Variants in PDE1C observed in about 807,000 individuals in gnomAD.
The protein encoded by PDE1C is phosphodiesterase 1C.
Under a neutral mutation model 93.1 loss-of-function variants are expected in PDE1C, and 62 were observed. The ratio of observed to expected loss-of-function variants is 0.67; its 90% CI spans 0.54 to 0.82. The LOEUF is 0.82. Ranked by LOEUF, PDE1C falls within the 40% of genes least tolerant of loss-of-function variation. PDE1C has a pLI of 0.00. For missense variants in PDE1C, 742 were observed against 884.6 expected (o/e 0.84, Z 2.04); for synonymous variants, 325 against 310.1 (o/e 1.05, Z -0.50).
At position 31,837,917 on chromosome 7, in the gene PDE1C, G is replaced by A. The variant is rs1290192944; in HGVS notation, c.1035C>T (p.His345=). The change falls in exon 10 of 18, where the codon CAC becomes CAT. Residue 345 remains histidine (H), a synonymous_variant. Coordinates refer to ENST00000396191, the MANE Select transcript of PDE1C (RefSeq NM_001191057.4). ...TCTTCATTGCTTTGATTTGTTGGAAGTGACAAGACATATCTGTGGCCATCA... is the reference window on the plus strand; with the variant it reads ...TCTTCATTGCTTTGATTTGTTGGAAATGACAAGACATATCTGTGGCCATCA... ...EMVMATDMSC[H]FQQIKAMKTA... is the part of the protein sequence containing the mutation. The A allele has an allele frequency of 6.2e-7, 1 of 1,613,798 alleles. No individual in the cohort carries two copies. Among genetic ancestry groups the A allele is most frequent in the Non-Finnish European group, 8.5e-7 (1 of 1,179,718 alleles).
the PDE1C span, chr7:31,651,379 C>A: frequency 8.0e-7 from 1 of 1,253,710 alleles, no homozygotes; most frequent in Non-Finnish European, 1.1e-6. Flanking sequence ...AATGAGAAAC[C>A]GGCCAGCTTT....
At chr7:31,642,179 C>T in the PDE1C span, 11 of 1,558,164 alleles carry the variant, frequency 7.1e-6, no homozygotes, top group East Asian at 2.4e-5. Flanking sequence ...TCTGCAGGTG[C>T]CAGGGTGGAC....
the PDE1C span, chr7:31,643,167 A>T: frequency 1.2e-6 from 2 of 1,613,880 alleles, no homozygotes; most frequent in Non-Finnish European, 1.7e-6. Context: ...CTCAAAGGTC[A>T]CCTGGAAATG....
At chr7:32,129,096 G>A (rs1258780367) in intron 3 of PDE1C, among the ~76,000 whole-genome samples, 1 of 150,762 alleles carries the variant, frequency 6.6e-6, no homozygotes, top group Admixed American at 6.6e-5. Context: ...TACAAAAATA[G>A]ACCCTTTTTC....
intron 17 of PDE1C, among the ~76,000 whole-genome samples, chr7:31,761,794 A>T (rs1794847427): frequency 1.3e-5 from 2 of 152,122 alleles, no homozygotes; most frequent in African/African-American, 4.8e-5. Flanking sequence ...CAATCCTCTC[A>T]TTCTTCATCT....
intron 1 of PDE1C, among the ~76,000 whole-genome samples, chr7:32,316,674 G>A (rs967069072): frequency 3.3e-5 from 5 of 152,194 alleles, no homozygotes; most frequent in Admixed American, 2.6e-4. Context: ...TTTTCCCGAT[G>A]TTGATTACAC....
chr7:31,942,127 A>G (rs1397471230), intron 2 of PDE1C, among the ~76,000 whole-genome samples: 1 of 152,130 alleles, frequency 6.6e-6, no homozygotes, highest in African/African-American at 2.4e-5. Flanking sequence ...CAGTCACTAA[A>G]TGTCTTCCTA....
At chr7:31,998,000 T>A (rs1442092821) in intron 2 of PDE1C, among the ~76,000 whole-genome samples, 6 of 139,392 alleles carry the variant, frequency 4.3e-5, no homozygotes, top group African/African-American at 1.5e-4. Context: ...TTTATTTTAT[T>A]TTATTTTATT....
intron 2 of PDE1C, among the ~76,000 whole-genome samples, chr7:32,000,673 A>C (rs1334510789): frequency 6.6e-6 from 1 of 152,058 alleles, no homozygotes; most frequent in African/African-American, 2.4e-5. Context: ...AGCCCTGGAC[A>C]CGCTCATGTC....
intron 1 of PDE1C, among the ~76,000 whole-genome samples, chr7:32,067,657 C>G (rs1275271700): frequency 6.6e-6 from 1 of 152,206 alleles, no homozygotes; most frequent in African/African-American, 2.4e-5. Flanking sequence ...GGCCACAACT[C>G]TGCCACACAT....
At chr7:31,802,086 G>T (rs1215292417) in intron 16 of PDE1C, among the ~76,000 whole-genome samples, 1 of 151,462 alleles carries the variant, frequency 6.6e-6, no homozygotes, top group Non-Finnish European at 1.5e-5. Flanking sequence ...GATTTGCTTT[G>T]TTTTAATTCT....
intron 2 of PDE1C, among the ~76,000 whole-genome samples, chr7:31,946,432 C>T (rs1317100032): frequency 2.0e-5 from 3 of 152,146 alleles, no homozygotes; most frequent in Non-Finnish European, 2.9e-5. Context: ...GCATAAAACC[C>T]CTCATGGCCT....
intron 2 of PDE1C, among the ~76,000 whole-genome samples, chr7:32,190,225 C>T (rs955469841): frequency 6.6e-6 from 1 of 152,248 alleles, no homozygotes; most frequent in Non-Finnish European, 1.5e-5. Flanking sequence ...CAAAACTACA[C>T]AGTTGAAGAG....
Position 31,809,055 on chromosome 7 carries a change from C to T in PDE1C, c.1867G>A (p.Gly623Arg), listed in dbSNP as rs553193635. 40 of 1,589,662 alleles carry T rather than the reference C, an allele frequency of 2.5e-5. No individual in the cohort carries two copies. Among genetic ancestry groups the T allele is most frequent in the Admixed American group, 1.7e-4 (10 of 59,732 alleles). The part of the protein sequence containing the change: ...KTDKKDHSNI[G>R]NDSKKTDGTK... ...CCATCTGTTTTCTTTGAATCATTTC[C>T]GATGTTAGAGTGATCCTTCTTGTCT... The change falls in exon 16 of 18, where the codon GGA becomes AGA. Residue 623 changes from glycine (G) to arginine (R), a missense_variant. Physicochemically the swap from Gly to Arg is moderately radical, Grantham distance 125. Around this residue, in one of 4 missense-constraint regions of PDE1C, gnomAD observed 454 missense variants for 459.4 expected, o/e 0.99. Transcript: ENST00000396191.
chr7:32,051,686 G>C, intron 1 of PDE1C, 106 bp from the exon 2 acceptor site: 1 of 875,804 alleles, frequency 1.1e-6, no homozygotes, highest in East Asian at 2.5e-5. Flanking sequence ...CACTTCTTAG[G>C]GGGGTTTCTC....
In PDE1C at chr7:32,131,255, T is replaced by C. The variant is rs78012782; in HGVS notation, c.308+38530A>G. The stretch of plus-strand genomic sequence containing the variant: ...CCATTAGAGCATTTATCATGCAAGA[T>C]AGCACTGAATGCCAGACAGACGTTT... On this transcript the variant is annotated intron_variant, in intron 3 of 18. Transcript: ENST00000396193. Among the ~76,000 whole-genome samples the C allele has an allele frequency of 4.6e-3, 698 of 152,294 alleles. 5 individuals carry two copies. The highest frequency in any genetic ancestry group is 0.016 in the African/African-American group (660 of 41,570).
chr7:31,749,955 C>T (rs1449940363), downstream of PDE1C, among the ~76,000 whole-genome samples: 2 of 152,020 alleles, frequency 1.3e-5, no homozygotes, highest in African/African-American at 4.8e-5. Context: ...ATAGGCTGGT[C>T]TCGAACTCCT....
In PDE1C at chr7:32,322,592, A is replaced by G. The variant is rs1050251460; in HGVS notation, c.310+105230T>C. ...GCACTCCAGCCTGGGTGACAGAGCA[A>G]GATCCCATCTCTATTTTTTTCTTTT... is the stretch of plus-strand genomic sequence containing the variant. On this transcript the variant is annotated intron_variant, in intron 1 of 1. Coordinates refer to the PDE1C transcript ENST00000672256. 2.6e-5 allele frequency among the ~76,000 whole-genome samples: 4 copies of G among 151,054 alleles called. 1 individual carries two copies. Among genetic ancestry groups the G allele is most frequent in the Non-Finnish European group, 5.9e-5 (4 of 67,870 alleles).
chr7:32,139,749 G>C (rs1272062312), intron 3 of PDE1C, among the ~76,000 whole-genome samples: 1 of 152,206 alleles, frequency 6.6e-6, no homozygotes, highest in Admixed American at 6.5e-5. Context: ...AGAGTAGTCA[G>C]CTGGAGAAGG....
Sources: allele counts gnomAD v4.1 joint callset (sites outside exome capture counted in the v4.1 genomes callset), GRCh38; gene constraint gnomAD v4.1.1; regional missense constraint gnomAD v4.1.1; transcripts MANE v1.5; gene names NCBI Gene and HGNC (gene_info 2026-07-23, HGNC 2026-07-21).